Variants in ELF2 observed in about 807,000 individuals in gnomAD.
ELF2 encodes ETS-related transcription factor Elf-2.
A neutral mutation model predicts 54.8 loss-of-function variants in ELF2; 11 were observed. The observed-to-expected ratio is 0.20, with a 90% CI of 0.13 to 0.33. The LOEUF (loss-of-function observed/expected upper bound fraction) is 0.33, where lower values mean the gene tolerates loss of function less well. ELF2 is among the 10% of genes least tolerant of loss of function. The pLI is 1.00. For missense variants in ELF2, 513 were observed against 703.0 expected (o/e 0.73, Z 3.06); for synonymous variants, 203 against 245.1 (o/e 0.83, Z 1.61).
At chr4:139,135,414 A>T (rs1326772361) in intron 3 of ELF2, among the ~76,000 whole-genome samples, 1 of 151,866 alleles carries the variant, frequency 6.6e-6, no homozygotes, top group African/African-American at 2.4e-5. Context: ...TCTTCCTGCA[A>T]TTCTCTTCCC....
At chr4:139,065,052 T>G (rs779844308) in intron 7 of ELF2, among the ~76,000 whole-genome samples, 1 of 152,188 alleles carries the variant, frequency 6.6e-6, no homozygotes, top group Non-Finnish European at 1.5e-5. Flanking sequence ...TTTGTTCACA[T>G]AGTAGTAAAT....
intron 4 of ELF2, among the ~76,000 whole-genome samples, chr4:139,092,350 C>T (rs1351107430): frequency 2.9e-5 from 4 of 139,974 alleles, no homozygotes; most frequent in South Asian, 2.3e-4. Context: ...AACAGAGTGA[C>T]ACTCCATCTC....
intron 7 of ELF2, among the ~76,000 whole-genome samples, chr4:139,062,706 T>G (rs770901452): frequency 2.0e-5 from 3 of 152,250 alleles, no homozygotes; most frequent in African/African-American, 4.8e-5. Flanking sequence ...ATGATAAGCC[T>G]AAATTCCATG....
intron 4 of ELF2, chr4:139,100,597 G>A (rs892791618): frequency 1.3e-5 from 2 of 152,090 alleles, no homozygotes; most frequent in African/African-American, 4.8e-5. Context: ...ATGAGTAGTG[G>A]GACTGCACCT....
chr4:139,084,205 T>G, intron 4 of ELF2: 1 of 1,612,980 alleles, frequency 6.2e-7, no homozygotes, highest in Non-Finnish European at 8.5e-7. Flanking sequence ...ATCCCGGGGC[T>G]GGAGCTGCTG....
At chr4:139,140,540 C>T (rs1738605781) in intron 1 of ELF2, among the ~76,000 whole-genome samples, 1 of 152,092 alleles carries the variant, frequency 6.6e-6, no homozygotes, top group African/African-American at 2.4e-5. Context: ...ATCACTTGAG[C>T]CCAGGAGCTC....
chr4:139,166,116 T>C (rs936976186), intron 1 of ELF2, among the ~76,000 whole-genome samples: 1 of 152,130 alleles, frequency 6.6e-6, no homozygotes, highest in Non-Finnish European at 1.5e-5. Flanking sequence ...GACGGGCGGA[T>C]CACCTGAGGT....
intron 4 of ELF2, among the ~76,000 whole-genome samples, chr4:139,087,757 G>A (rs1268496944): frequency 1.3e-5 from 2 of 152,114 alleles, no homozygotes; most frequent in Non-Finnish European, 2.9e-5. Flanking sequence ...GAGTCACCAC[G>A]CCAGGCCACA....
At chr4:139,133,330 C>T (rs1373791699) in intron 3 of ELF2, among the ~76,000 whole-genome samples, 5 of 152,126 alleles carry the variant, frequency 3.3e-5, no homozygotes, top group African/African-American at 4.8e-5. Flanking sequence ...TTAGTAGGAT[C>T]GCCTTGTGGT....
chr4:139,071,759 T>A, intron 6 of ELF2, 107 bp downstream of exon 6: 1 of 1,035,170 alleles, frequency 9.7e-7, no homozygotes, highest in Non-Finnish European at 1.4e-6. Flanking sequence ...TAAGATAACA[T>A]CAATCTTAAA....
rs562614663 is a variant in ELF2 at position 139,171,299 on chromosome 4, G to A, written c.-252+5668C>T. 3.3e-4 allele frequency among the ~76,000 whole-genome samples: 50 copies of A among 152,144 alleles called. No homozygotes were observed. The South Asian group carries it at 4.4e-3, about 13-fold the overall frequency. ...TTCCCCATTCCCAACTACTCAGGAGGCTGAGGTAGGGGGACTGCTTGAGCC... is the reference window on the plus strand; with the variant it reads ...TTCCCCATTCCCAACTACTCAGGAGACTGAGGTAGGGGGACTGCTTGAGCC... On this transcript the variant is annotated intron_variant, in intron 1 of 9. Coordinates refer to ENST00000686138, the MANE Select transcript of ELF2 (RefSeq NM_001331036.3).
chr4:139,148,324 T>C (rs1739465445), intron 1 of ELF2, among the ~76,000 whole-genome samples: 1 of 121,414 alleles, frequency 8.2e-6, no homozygotes, highest in Non-Finnish European at 1.7e-5. Context: ...TAATTTTTTT[T>C]TTTTTTTTTT....
chr4:139,102,700 G>A (rs1268277156), intron 4 of ELF2, among the ~76,000 whole-genome samples: 1 of 151,310 alleles, frequency 6.6e-6, no homozygotes, highest in Non-Finnish European at 1.5e-5. Context: ...AATTAGCCAG[G>A]CGTGGTGGCG....
chr4:139,134,284 G>C (rs1260810686), intron 3 of ELF2, among the ~76,000 whole-genome samples: 16 of 151,572 alleles, frequency 1.1e-4, no homozygotes, highest in Admixed American at 1.1e-3. Context: ...TTACCTTCCT[G>C]GGATTAAAAA....
chr4:139,119,421 G>A (rs1030752689), intron 4 of ELF2, among the ~76,000 whole-genome samples: 2 of 152,194 alleles, frequency 1.3e-5, no homozygotes, highest in African/African-American at 4.8e-5. Flanking sequence ...TATGGCTTCA[G>A]ACTGAGTTTG....
At chr4:139,075,417 C>G (rs73852761) in intron 4 of ELF2, among the ~76,000 whole-genome samples, 1 of 152,032 alleles carries the variant, frequency 6.6e-6, no homozygotes, top group East Asian at 1.9e-4. Flanking sequence ...TTTCATGGAG[C>G]AGACATGCGG....
chr4:139,135,542 C>A (rs1190121475), intron 3 of ELF2, among the ~76,000 whole-genome samples: 1 of 151,982 alleles, frequency 6.6e-6, no homozygotes, highest in African/African-American at 2.4e-5. Context: ...ACTTCTCTAT[C>A]CAGCTCCAGT....
At chr4:139,127,894 G>A (rs1480768476) in intron 3 of ELF2, among the ~76,000 whole-genome samples, 1 of 151,610 alleles carries the variant, frequency 6.6e-6, no homozygotes, top group Admixed American at 6.6e-5. Context: ...GAACCCGGGA[G>A]GCAAAGGTTG....
Position 139,059,021 on chromosome 4 carries a change from T to G in ELF2, c.1744A>C (p.Thr582Pro), listed in dbSNP as rs758406376. Residue 582 changes from threonine (T) to proline (P), a missense_variant, in exon 10 of 10, where the codon ACT becomes CCT. Thr to Pro is a conservative substitution (Grantham distance 38). Transcript: ENST00000686138. ...SAPSAIALPV[T>P]MKTEGLVTCE... ...GTCACTAGTCCTTCTGTTTTCATAG[T>G]TACAGGAAGGGCAATAGCTGAAGGC... The G allele has an allele frequency of 1.2e-6, 2 of 1,613,614 alleles. No homozygotes were observed. Among genetic ancestry groups the G allele is most frequent in the South Asian group, 1.1e-5 (1 of 91,022 alleles).
Sources: allele counts gnomAD v4.1 joint callset (sites outside exome capture counted in the v4.1 genomes callset), GRCh38; gene constraint gnomAD v4.1.1; transcripts MANE v1.5; gene names NCBI Gene and HGNC (gene_info 2026-07-23, HGNC 2026-07-21).